Variants in ZNF469 observed in about 807,000 individuals in gnomAD.
ZNF469 encodes the protein zinc finger protein 469.
ZNF469 carries 1 observed loss-of-function variant against 1.0 expected under a neutral mutation model. That is an observed-to-expected ratio of 1.00 (90% CI 0.35 to 4.73). The LOEUF is 4.73. Ranked by LOEUF, ZNF469 falls within the 30% of genes most tolerant of loss-of-function variation. The pLI, the probability that ZNF469 is intolerant of heterozygous loss-of-function variation, is 0.16. For synonymous variants in ZNF469, 2,703 were observed against 2,363.4 expected (o/e 1.14, Z -4.17); for missense variants, 6,100 against 5,356.3 (o/e 1.14, Z -4.33).
the ZNF469 span, among the ~76,000 whole-genome samples, chr16:88,138,752 G>C: frequency 0.047 from 7,208 of 152,236 alleles, 569 homozygotes; most frequent in African/African-American, 0.16. Context: ...ACTTGCATAG[G>C]ATATTATTCC....
At chr16:88,245,433 C>T in the ZNF469 span, among the ~76,000 whole-genome samples, 1 of 152,384 alleles carries the variant, frequency 6.6e-6, no homozygotes, top group African/African-American at 2.4e-5. Flanking sequence ...GACCGTCCTC[C>T]CGCAGCCGCT....
the ZNF469 span, among the ~76,000 whole-genome samples, chr16:88,291,497 G>C: frequency 6.6e-6 from 1 of 152,146 alleles, no homozygotes; most frequent in Non-Finnish European, 1.5e-5. Context: ...TCTTCGCATC[G>C]GGCAGCCATC....
chr16:88,234,338 G>A, the ZNF469 span, among the ~76,000 whole-genome samples: 3 of 152,272 alleles, frequency 2.0e-5, no homozygotes, highest in Admixed American at 2.0e-4. Context: ...TTTAACATCT[G>A]CAGCAGCCAG....
chr16:88,149,218 G>A, the ZNF469 span, among the ~76,000 whole-genome samples: 55 of 152,262 alleles, frequency 3.6e-4, no homozygotes, highest in Admixed American at 2.0e-3. Flanking sequence ...AGCCAGGCCC[G>A]CTTCTTTGTG....
At chr16:88,395,530 T>C (rs1373258394) in intron 1 of ZNF469, among the ~76,000 whole-genome samples, 1 of 152,164 alleles carries the variant, frequency 6.6e-6, no homozygotes, top group Non-Finnish European at 1.5e-5. Context: ...GATATGTTCT[T>C]GGTTTGGGTG....
chr16:88,238,722 T>G, the ZNF469 span, among the ~76,000 whole-genome samples: 1 of 152,254 alleles, frequency 6.6e-6, no homozygotes, highest in South Asian at 2.1e-4. Flanking sequence ...GATCCCAGCC[T>G]TCTCTGCAGG....
chr16:88,101,776 T>C, the ZNF469 span, among the ~76,000 whole-genome samples: 1 of 152,320 alleles, frequency 6.6e-6, no homozygotes, highest in South Asian at 2.1e-4. Flanking sequence ...GTGAGGTGTC[T>C]GTTTCCCATT....
At chr16:88,340,290 G>T in the ZNF469 span, among the ~76,000 whole-genome samples, 28,916 of 152,128 alleles carry the variant, frequency 0.19, 3,171 homozygotes, top group South Asian at 0.3. Flanking sequence ...TGTACCAAAC[G>T]AGGTGTTGTC....
the ZNF469 span, among the ~76,000 whole-genome samples, chr16:88,181,777 G>A: frequency 1.8e-3 from 275 of 152,254 alleles, 3 homozygotes; most frequent in Non-Finnish European, 2.8e-3. Context: ...TAAATTCAAA[G>A]TAAGGAAAAG....
chr16:88,247,901 TCTC>T, the ZNF469 span, among the ~76,000 whole-genome samples: 1 of 152,246 alleles, frequency 6.6e-6, no homozygotes, highest in Non-Finnish European at 1.5e-5. Context: ...ATTTGAGTCT[TCTC>T]AGCTGAGCTG....
chr16:88,320,025 C>G, the ZNF469 span, among the ~76,000 whole-genome samples: 39 of 152,330 alleles, frequency 2.6e-4, no homozygotes, highest in Admixed American at 5.9e-4. Flanking sequence ...ACAGGCACCC[C>G]CCAAATGTCC....
At chr16:88,411,932 C>T (rs1905178448) in intron 1 of ZNF469, among the ~76,000 whole-genome samples, 1 of 838 alleles carries the variant, frequency 1.2e-3, no homozygotes, top group African/African-American at 7.5e-3. Context: ...CCAGAAGAGA[C>T]GAAACCCTGA....
At position 88,439,102 on chromosome 16, in the gene ZNF469, C is replaced by A; in HGVS notation, c.11632C>A (p.Arg3878=). Residue 3878 remains arginine (R), a synonymous_variant, in exon 3 of 3, where the codon CGG becomes AGG. Transcript: ENST00000565624. ...ACCCAGGCCGCCACCATCAGAGCAG[C>A]GGAAGGCAGAGCCGGGCCACACACA... is the stretch of plus-strand genomic sequence containing the variant. ...NKPRPPPSEQ[R]KAEPGHTQRK... is the part of the protein sequence containing the mutation. 9.7e-6 allele frequency: 15 copies of A among 1,550,952 alleles called. No individual in the cohort carries two copies. Among genetic ancestry groups the A allele is most frequent in the African/African-American group, 1.4e-5 (1 of 73,166 alleles).
intron 1 of ZNF469, among the ~76,000 whole-genome samples, chr16:88,416,532 C>T (rs1905304942): frequency 6.6e-6 from 1 of 152,170 alleles, no homozygotes; most frequent in South Asian, 2.1e-4. Context: ...TGGGCCTAGC[C>T]GGAAGCTTCT....
At chr16:88,394,082 C>T (rs1904579404) in intron 1 of ZNF469, among the ~76,000 whole-genome samples, 1 of 132,684 alleles carries the variant, frequency 7.5e-6, no homozygotes, top group East Asian at 2.1e-4. Flanking sequence ...CTGAGAGGAG[C>T]AGGGTTTGAC....
At chr16:88,224,437 T>C in the ZNF469 span, among the ~76,000 whole-genome samples, 68,348 of 152,180 alleles carry the variant, frequency 0.45, 15,655 homozygotes, top group Non-Finnish European at 0.51. Context: ...TAACATGCGC[T>C]GGAGGAAAGG....
chr16:88,274,266 A>G, the ZNF469 span, among the ~76,000 whole-genome samples: 1 of 152,218 alleles, frequency 6.6e-6, no homozygotes, highest in Non-Finnish European at 1.5e-5. Context: ...AGGGCTGGGA[A>G]GTTAGTCTTT....
chr16:88,120,945 C>T, the ZNF469 span, among the ~76,000 whole-genome samples: 1 of 152,088 alleles, frequency 6.6e-6, no homozygotes, highest in Non-Finnish European at 1.5e-5. Context: ...GTTTCTTGGC[C>T]GCAGGCGTTG....
the ZNF469 span, among the ~76,000 whole-genome samples, chr16:88,341,837 G>A: frequency 6.6e-6 from 1 of 152,116 alleles, no homozygotes; most frequent in Non-Finnish European, 1.5e-5. Context: ...GAGCCTGAAG[G>A]ACTTGGGGAC....
Sources: gnomAD v4.1 joint callset for allele counts (sites outside exome capture counted in the v4.1 genomes callset) on GRCh38, gnomAD v4.1.1 for gene constraint, MANE v1.5 for transcripts, NCBI Gene and HGNC (gene_info 2026-07-23, HGNC 2026-07-21) for gene names.